The following ZNF585A variants were observed in gnomAD, a reference collection of about 807,000 sequenced individuals.
ZNF585A encodes zinc finger protein 585A.
In ZNF585A, 9 loss-of-function variants were observed where a neutral mutation model predicts 14.9. The ratio of observed to expected loss-of-function variants is 0.60; its 90% CI spans 0.36 to 1.05. ZNF585A has a LOEUF of 1.05. Ranked by LOEUF, ZNF585A falls within the 50% of genes least tolerant of loss-of-function variation. The pLI, the probability that ZNF585A is intolerant of heterozygous loss-of-function variation, is 0.01. For synonymous variants in ZNF585A, 276 were observed against 319.9 expected, an observed-to-expected ratio of 0.86 and a Z score of 1.46; for missense variants, 726 against 926.4, an observed-to-expected ratio of 0.78 and a Z score of 2.81.
intron 2 of ZNF585A, among the ~76,000 whole-genome samples, chr19:37,161,563 A>C (rs955904446): frequency 6.6e-6 from 1 of 152,144 alleles, no homozygotes; most frequent in African/African-American, 2.4e-5. Context: ...TAAAAGTTAC[A>C]TATAGTGTGC....
intron 4 of ZNF585A, 120 bp from the exon 5 acceptor site, chr19:37,153,726 A>C: frequency 1.1e-6 from 1 of 919,618 alleles, no homozygotes; most frequent in East Asian, 2.6e-5. Context: ...GCTTTAAACC[A>C]TTTCCAAATG....
At position 37,152,675 on chromosome 19, in the gene ZNF585A, T is replaced by C. The variant is rs1178960817; in HGVS notation, c.1224A>G (p.Lys408=). The change falls in exon 5 of 5, where the codon AAA becomes AAG. Residue 408 remains lysine, a synonymous_variant. Transcript: ENST00000292841. ...GTCCACATTTCATGCATATATACGA[T>C]TTTTCTCCTGTATGAATTCTCTGAT... ...TVHQRIHTGE[K]SYICMKCGLA... is the part of the protein sequence containing the mutation. 2 of 1,613,916 alleles carry C rather than the reference T, an allele frequency of 1.2e-6. No individual in the cohort carries two copies. Among genetic ancestry groups the C allele is most frequent in the Non-Finnish European group, 1.7e-6 (2 of 1,179,916 alleles).
chr19:37,170,341 C>G (rs1056689645), intron 1 of ZNF585A, among the ~76,000 whole-genome samples: 1 of 152,162 alleles, frequency 6.6e-6, no homozygotes, highest in African/African-American at 2.4e-5. Context: ...ACTTTGAGAA[C>G]CAGCGCTGAG....
intron 1 of ZNF585A, among the ~76,000 whole-genome samples, chr19:37,170,633 G>A (rs1373604089): frequency 6.6e-6 from 1 of 152,170 alleles, no homozygotes; most frequent in Non-Finnish European, 1.5e-5. Flanking sequence ...ACAGGCATGC[G>A]CCACCATGTC....
At position 37,147,650 on chromosome 19, in the gene ZNF585A, TAATA is replaced by T. The variant is rs1971760415; in HGVS notation, c.*3935_*3938del. 1 of 152,194 alleles carries T rather than the reference TAATA, an allele frequency of 6.6e-6. No homozygotes were observed. Among genetic ancestry groups the T allele is most frequent in the Non-Finnish European group, 1.5e-5 (1 of 68,014 alleles). 9.4% of individuals were successfully genotyped at this position (152,194 alleles called of 1,614,324 possible). ...TTTTATTGTCACAAGGAATATACAGTAATAAATATTACAATATGCTATATAACAT... is the reference window on the plus strand; with the variant it reads ...TTTTATTGTCACAAGGAATATACAGTAATATTACAATATGCTATATAACAT... On this transcript the variant is annotated 3_prime_UTR_variant, in exon 5 of 5. Coordinates refer to ENST00000292841, the MANE Select transcript of ZNF585A (RefSeq NM_001288800.2).
rs768228171 is a variant in ZNF585A at position 37,169,827 on chromosome 19, C to T, written c.72+12G>A. ...ATTGAATTCCCACCCCCCTGGGACT[C>T]CTCCTTCTCACCTCATAGGAGCTGC... On this transcript the variant is annotated intron_variant, in intron 2 of 4. Coordinates refer to ENST00000292841, the MANE Select transcript of ZNF585A (RefSeq NM_001288800.2). 1 of 1,610,766 alleles carries T rather than the reference C, an allele frequency of 6.2e-7. No individual in the cohort carries two copies. The highest frequency in any genetic ancestry group is 1.3e-5 in the African/African-American group (1 of 75,020).
At chr19:37,168,712 G>T (rs1307113108) in intron 2 of ZNF585A, among the ~76,000 whole-genome samples, 3 of 152,150 alleles carry the variant, frequency 2.0e-5, no homozygotes, top group Non-Finnish European at 4.4e-5. Context: ...AACCAGAAAT[G>T]AAATTCTACT....
At position 37,153,360 on chromosome 19, in the gene ZNF585A, T is replaced by C. The variant is rs1971871612; in HGVS notation, c.539A>G (p.His180Arg). The change falls in exon 5 of 5, where the codon CAT (histidine) becomes CGT (arginine). Residue 180 changes from histidine (H) to arginine (R), a missense_variant. By Grantham distance (29) the His-to-Arg change is conservative (BLOSUM62 0). Coordinates refer to ENST00000292841, the MANE Select transcript of ZNF585A (RefSeq NM_001288800.2). The part of the protein sequence containing the change: ...KPEFIIHQKT[H>R]MREKPFKCNE... ...GCATTTAAAGGGTTTCTCTCTCATATGGGTTTTCTGGTGTATAATAAATTC... is the reference window on the plus strand; with the variant it reads ...GCATTTAAAGGGTTTCTCTCTCATACGGGTTTTCTGGTGTATAATAAATTC... 1 of 1,613,964 alleles carries C rather than the reference T, an allele frequency of 6.2e-7. No homozygotes were observed. The highest frequency in any genetic ancestry group is 8.5e-7 in the Non-Finnish European group (1 of 1,180,012).
In ZNF585A at chr19:37,153,256, CAT is replaced by C; in HGVS notation, c.641_642del (p.Tyr214Ter). ...AAGCCTTTCCCACACTGGCTGCATT[CAT>C]AGAGTTTCTCTCCGGTATGAATTCT... ...HQRIHTGEKLYECSQCGKGFS... is the reference protein window; with the variant it reads ...HQRIHTGEKLXECSQCGKGFS... On this transcript the variant is annotated frameshift_variant, in exon 5 of 5. Transcript: ENST00000292841. LOFTEE classifies it low-confidence loss of function (END_TRUNC). 6.2e-7 allele frequency: 1 copy of C among 1,614,138 alleles called. No homozygotes were observed. The highest frequency in any genetic ancestry group is 8.5e-7 in the Non-Finnish European group (1 of 1,180,012).
chr19:37,153,728 T>G, intron 4 of ZNF585A, 122 bp from the exon 5 acceptor site: 1 of 908,306 alleles, frequency 1.1e-6, no homozygotes, highest in East Asian at 2.6e-5. Context: ...TTTAAACCAT[T>G]TCCAAATGAG....
rs1407579704 is a variant in ZNF585A at position 37,153,347 on chromosome 19, T to C, written c.552A>G (p.Lys184=). ...IIHQKTHMRE[K]PFKCNECGKS... is the part of the protein sequence containing the mutation. ...TTCCACATTCATTGCATTTAAAGGG[T>C]TTCTCTCTCATATGGGTTTTCTGGT... Residue 184 remains lysine, a synonymous_variant, in exon 5 of 5, where the codon AAA becomes AAG. Transcript: ENST00000292841. 2 of 1,614,170 alleles carry C rather than the reference T, an allele frequency of 1.2e-6. No individual in the cohort carries two copies. Among genetic ancestry groups the C allele is most frequent in the Admixed American group, 3.3e-5 (2 of 60,020 alleles).
At chr19:37,168,420 T>A (rs927081041) in intron 2 of ZNF585A, among the ~76,000 whole-genome samples, 7 of 152,110 alleles carry the variant, frequency 4.6e-5, no homozygotes, top group African/African-American at 1.7e-4. Flanking sequence ...ACAAGACCAA[T>A]CTCTGACCAC....
At chr19:37,171,010 G>A (rs531201235) in intron 1 of ZNF585A, among the ~76,000 whole-genome samples, 17 of 152,220 alleles carry the variant, frequency 1.1e-4, no homozygotes, top group African/African-American at 4.1e-4. Flanking sequence ...TGTGATAAAA[G>A]TGGTATTCAA....
intron 2 of ZNF585A, among the ~76,000 whole-genome samples, chr19:37,163,686 T>C (rs1426108608): frequency 2.0e-5 from 3 of 152,026 alleles, no homozygotes; most frequent in Non-Finnish European, 4.4e-5. Context: ...ATAAATACTG[T>C]CTTAAAGAGT....
intron 2 of ZNF585A, among the ~76,000 whole-genome samples, chr19:37,162,184 A>G (rs933634932): frequency 6.6e-6 from 1 of 152,246 alleles, no homozygotes; most frequent in Non-Finnish European, 1.5e-5. Context: ...TGGGCCTCCC[A>G]AAGTGATGGG....
At chr19:37,160,704 C>T (rs993360279) in intron 2 of ZNF585A, among the ~76,000 whole-genome samples, 1 of 151,888 alleles carries the variant, frequency 6.6e-6, no homozygotes, top group Non-Finnish European at 1.5e-5. Flanking sequence ...AAAAAATAAG[C>T]CAATTCCTCA....
At chr19:37,164,610 C>A (rs1213107699) in intron 2 of ZNF585A, among the ~76,000 whole-genome samples, 3 of 151,988 alleles carry the variant, frequency 2.0e-5, no homozygotes, top group African/African-American at 7.3e-5. Context: ...AAACAAAAAA[C>A]AAAGAAATAC....
At chr19:37,167,661 G>A (rs766719075) in intron 2 of ZNF585A, among the ~76,000 whole-genome samples, 1 of 149,118 alleles carries the variant, frequency 6.7e-6, no homozygotes, top group Non-Finnish European at 1.5e-5. Context: ...TCGCCCTGTC[G>A]CCCAGCCTGG....
In ZNF585A at chr19:37,156,037, GA is replaced by G. The variant is rs1971924247; in HGVS notation, c.200-81del. On this transcript the variant is annotated intron_variant, in intron 3 of 4. Coordinates refer to ENST00000292841, the MANE Select transcript of ZNF585A (RefSeq NM_001288800.2). ...AACCAATAATCTCTTATTCTTTGAT[GA>G]GGATTTTTTCTTCAGAAAAGTAACC... 5 of 1,594,914 alleles carry G rather than the reference GA, an allele frequency of 3.1e-6. No individual in the cohort carries two copies. In the East Asian group the frequency reaches 1.1e-4, roughly 36 times the overall value.
Sources: allele counts gnomAD v4.1 joint callset (sites outside exome capture counted in the v4.1 genomes callset), GRCh38; gene constraint gnomAD v4.1.1; transcripts MANE v1.5; gene names NCBI Gene and HGNC (gene_info 2026-07-23, HGNC 2026-07-21).